TAFA1: variants seen among roughly 807,000 people sequenced by gnomAD.
TAFA1 encodes chemokine-like protein TAFA-1.
In TAFA1, 4 loss-of-function variants were observed where a neutral mutation model predicts 18.5. That is an observed-to-expected ratio of 0.22 (90% confidence interval 0.11 to 0.49). The LOEUF is 0.49. Ranked by LOEUF, TAFA1 falls within the 20% of genes least tolerant of loss-of-function variation. The pLI, the probability that TAFA1 is intolerant of heterozygous loss-of-function variation, is 0.98. For missense variants in TAFA1, 147 were observed against 169.0 expected (o/e 0.87, Z 0.72); for synonymous variants, 56 against 55.2 (o/e 1.01, Z -0.06).
intron 2 of TAFA1, among the ~76,000 whole-genome samples, chr3:68,088,227 T>C (rs149869570): frequency 2.0e-5 from 3 of 152,230 alleles, no homozygotes; most frequent in Non-Finnish European, 4.4e-5. Flanking sequence ...TTAATTTAGC[T>C]GAAAAATAAT....
At chr3:68,140,437 C>T (rs2065655817) in intron 2 of TAFA1, among the ~76,000 whole-genome samples, 1 of 152,208 alleles carries the variant, frequency 6.6e-6, no homozygotes, top group African/African-American at 2.4e-5. Context: ...ACGTTTTCCT[C>T]CTCAGTCATC....
At chr3:68,259,159 G>A (rs1231032101) in intron 2 of TAFA1, among the ~76,000 whole-genome samples, 1 of 152,162 alleles carries the variant, frequency 6.6e-6, no homozygotes, top group Non-Finnish European at 1.5e-5. Context: ...ACTGCATTTT[G>A]AATGGAAAGG....
chr3:68,079,290 G>T (rs1329349140), intron 2 of TAFA1, among the ~76,000 whole-genome samples: 2 of 152,016 alleles, frequency 1.3e-5, no homozygotes, highest in African/African-American at 4.8e-5. Flanking sequence ...TTTTTTGAAG[G>T]GTTTTTTGTG....
chr3:68,243,993 G>A (rs1050786970), intron 2 of TAFA1, among the ~76,000 whole-genome samples: 1 of 152,176 alleles, frequency 6.6e-6, no homozygotes, highest in Non-Finnish European at 1.5e-5. Flanking sequence ...TATATGTGTA[G>A]TGAAGTCTCA....
intron 4 of TAFA1, among the ~76,000 whole-genome samples, chr3:68,543,899 CA>C (rs1391591259): frequency 6.6e-6 from 1 of 152,062 alleles, no homozygotes; most frequent in African/African-American, 2.4e-5. Flanking sequence ...TGCACAGGAA[CA>C]GTTTCTCATC....
rs1219319056 is a variant in TAFA1, at chr3:68,115,761, C to T, written c.118+109017C>T. ...ATTGGTTTATTCCCATGTGCTGCTC[C>T]CCATCCTATTTTTTTGTGTGTGACA... On this transcript the variant is annotated intron_variant, in intron 2 of 4. Transcript: ENST00000478136. 2.0e-5 allele frequency among the ~76,000 whole-genome samples: 3 copies of T among 152,286 alleles called. No homozygotes were observed. The South Asian group carries it at 6.2e-4, about 32-fold the overall frequency.
intron 3 of TAFA1, among the ~76,000 whole-genome samples, chr3:68,423,770 A>G (rs193207333): frequency 7.3e-5 from 11 of 150,472 alleles, no homozygotes; most frequent in Admixed American, 4.0e-4. Context: ...TGTTTCTAAC[A>G]TGGACAAATA....
At chr3:68,097,320 C>T (rs1173986404) in intron 2 of TAFA1, among the ~76,000 whole-genome samples, 2 of 152,046 alleles carry the variant, frequency 1.3e-5, no homozygotes, top group Non-Finnish European at 1.5e-5. Context: ...GCTTCAAGGC[C>T]ACAACAATTA....
chr3:68,128,418 C>G (rs1363330697), intron 2 of TAFA1, among the ~76,000 whole-genome samples: 1 of 152,140 alleles, frequency 6.6e-6, no homozygotes, highest in Non-Finnish European at 1.5e-5. Context: ...AGCCAGGCAA[C>G]AATTTCATTA....
At chr3:68,338,902 A>T (rs2069025404) in intron 2 of TAFA1, among the ~76,000 whole-genome samples, 1 of 152,194 alleles carries the variant, frequency 6.6e-6, no homozygotes, top group African/African-American at 2.4e-5. Context: ...TGTAGATTGG[A>T]TTCAAGTACA....
At chr3:68,038,900 G>A (rs1332041311) in intron 2 of TAFA1, among the ~76,000 whole-genome samples, 1 of 152,114 alleles carries the variant, frequency 6.6e-6, no homozygotes, top group Non-Finnish European at 1.5e-5. Context: ...CATAAAAAGG[G>A]ATGCTATTGT....
intron 2 of TAFA1, among the ~76,000 whole-genome samples, chr3:68,027,370 G>A (rs1464620138): frequency 6.6e-6 from 1 of 152,152 alleles, no homozygotes; most frequent in Non-Finnish European, 1.5e-5. Flanking sequence ...AGGTTGCAGA[G>A]CCAGCCATCT....
chr3:68,108,002 G>A (rs1250208339), intron 2 of TAFA1, among the ~76,000 whole-genome samples: 2 of 152,042 alleles, frequency 1.3e-5, no homozygotes, highest in East Asian at 1.9e-4. Context: ...TAACGTATGG[G>A]TGAGGAAGTG....
At chr3:68,369,604 A>C (rs973029315) in intron 2 of TAFA1, among the ~76,000 whole-genome samples, 5 of 152,178 alleles carry the variant, frequency 3.3e-5, no homozygotes, top group African/African-American at 1.2e-4. Flanking sequence ...GTAGTTTCTG[A>C]ATCGTTGTTT....
intron 2 of TAFA1, among the ~76,000 whole-genome samples, chr3:68,396,536 A>T (rs2070386726): frequency 6.6e-6 from 1 of 152,188 alleles, no homozygotes; most frequent in African/African-American, 2.4e-5. Flanking sequence ...ACTGTGTTGC[A>T]TGTAGCAGTA....
At chr3:68,342,237 CA>C (rs916544045) in intron 2 of TAFA1, among the ~76,000 whole-genome samples, 4 of 152,164 alleles carry the variant, frequency 2.6e-5, no homozygotes, top group African/African-American at 9.7e-5. Flanking sequence ...AGATCCAAAC[CA>C]GTTTGGAAGT....
At chr3:68,466,477 A>G (rs759112230) in intron 3 of TAFA1, among the ~76,000 whole-genome samples, 4 of 152,156 alleles carry the variant, frequency 2.6e-5, no homozygotes, top group Non-Finnish European at 5.9e-5. Context: ...AAATATTGCC[A>G]TCTCCACTTT....
At chr3:68,429,879 A>G (rs2071135161) in intron 3 of TAFA1, among the ~76,000 whole-genome samples, 1 of 151,886 alleles carries the variant, frequency 6.6e-6, no homozygotes, top group African/African-American at 2.4e-5. Context: ...CCTGTATAAC[A>G]TTTCTCATAA....
intron 2 of TAFA1, among the ~76,000 whole-genome samples, chr3:68,387,541 CA>C (rs1194091238): frequency 5.9e-5 from 9 of 152,102 alleles, no homozygotes; most frequent in African/African-American, 2.2e-4. Flanking sequence ...GTTCAACCTT[CA>C]ACAAGCATTT....
Sources: allele counts gnomAD v4.1 joint callset (sites outside exome capture counted in the v4.1 genomes callset), GRCh38; gene constraint gnomAD v4.1.1; transcripts MANE v1.5; gene names NCBI Gene and HGNC (gene_info 2026-07-23, HGNC 2026-07-21).